FMN1: variants seen among roughly 807,000 people sequenced by gnomAD.
FMN1 encodes formin 1, also known as formin-1.
A neutral mutation model predicts 132.4 loss-of-function variants in FMN1; 110 were observed. The ratio of observed to expected loss-of-function variants is 0.83; its 90% CI spans 0.71 to 0.97. The LOEUF (loss-of-function observed/expected upper bound fraction) is 0.97, where lower values mean the gene tolerates loss of function less well. Ranked by LOEUF, FMN1 falls within the 50% of genes least tolerant of loss-of-function variation. The probability of loss-of-function intolerance (pLI) is 0.00; values close to 1 mark genes in which losing one functional copy is unlikely to be tolerated. For synonymous variants in FMN1, 722 were observed against 651.7 expected, an observed-to-expected ratio of 1.11 and a Z score of -1.64; for missense variants, 1,792 against 1,705.3, an observed-to-expected ratio of 1.05 and a Z score of -0.90.
chr15:32,776,088 A>G (rs1029590788), intron 20 of FMN1, among the ~76,000 whole-genome samples: 3 of 152,238 alleles, frequency 2.0e-5, no homozygotes, highest in Non-Finnish European at 4.4e-5. Context: ...CCAAAAAAAA[A>G]GTAGTATGTT....
At chr15:33,148,732 G>A (rs1237881575) in intron 4 of FMN1, among the ~76,000 whole-genome samples, 1 of 152,168 alleles carries the variant, frequency 6.6e-6, no homozygotes, top group African/African-American at 2.4e-5. Flanking sequence ...TCAGGACTGT[G>A]AGTAATCCAG....
chr15:33,194,325 A>T (rs1278756161), intron 1 of FMN1, among the ~76,000 whole-genome samples: 1 of 129,266 alleles, frequency 7.7e-6, no homozygotes, highest in East Asian at 2.8e-4. Context: ...GGGACCTGAG[A>T]GTCAACGACA....
intron 19 of FMN1, among the ~76,000 whole-genome samples, 164 bp downstream of exon 19, chr15:32,798,640 C>T (rs563314877): frequency 6.6e-6 from 1 of 152,258 alleles, no homozygotes; most frequent in South Asian, 2.1e-4. Flanking sequence ...AGCAAGCTTT[C>T]CCCGAATTTC....
In FMN1 at chr15:33,139,740, T is replaced by A. The variant is rs143561701; in HGVS notation, c.1867+13308A>T. 4.9e-3 allele frequency among the ~76,000 whole-genome samples: 745 copies of A among 152,294 alleles called. 5 individuals carry two copies. Among genetic ancestry groups the A allele is most frequent in the African/African-American group, 0.017 (705 of 41,558 alleles). The stretch of plus-strand genomic sequence containing the variant: ...GAGCATCAAAATTCAAGTCAGAAGA[T>A]CCGGCATATTCCACCAATAGACAGT... On this transcript the variant is annotated intron_variant, in intron 4 of 20. Transcript: ENST00000616417.
chr15:32,978,916 G>C (rs1406994905), intron 7 of FMN1, among the ~76,000 whole-genome samples: 1 of 152,158 alleles, frequency 6.6e-6, no homozygotes, highest in Admixed American at 6.5e-5. Context: ...ATGATATTAG[G>C]TCAATTATAT....
At chr15:33,131,328 C>CA (rs10710700) in intron 4 of FMN1, among the ~76,000 whole-genome samples, 1,061 of 79,912 alleles carry the variant, frequency 0.013, 23 homozygotes, top group Middle Eastern at 0.03. Flanking sequence ...GACTCCATCT[C>CA]AAAAAAAAAA....
chr15:33,154,779 C>A lies in FMN1; in HGVS notation c.136G>T (p.Gly46Cys). ...GTVTLDRSNK[G>C]FHNCYQVREE... is the part of the protein sequence containing the mutation. ...CTGACTTGGTAGCAGTTATGAAAACCTTTATTGGATCTGTCTAGAGTTACA... is the reference window on the plus strand; with the variant it reads ...CTGACTTGGTAGCAGTTATGAAAACATTTATTGGATCTGTCTAGAGTTACA... The change falls in exon 4 of 21, where the codon GGT becomes TGT. Residue 46 changes from glycine (G) to cysteine (C), a missense_variant. This residue lies in a region of FMN1 where 638 missense variants were observed against 645.2 expected (regional missense o/e 0.99). Coordinates refer to ENST00000616417, the MANE Select transcript of FMN1 (RefSeq NM_001277313.2). The A allele has an allele frequency of 6.5e-7, 1 of 1,536,092 alleles. No individual in the cohort carries two copies. Among genetic ancestry groups the A allele is most frequent in the Non-Finnish European group, 8.7e-7 (1 of 1,146,908 alleles).
chr15:32,973,583 C>CCCA (rs1208780495), intron 7 of FMN1, among the ~76,000 whole-genome samples: 1 of 151,680 alleles, frequency 6.6e-6, no homozygotes, highest in African/African-American at 2.4e-5. Flanking sequence ...CTCACCCCCC[C>CCCA]CAAAAAAACA....
intron 17 of FMN1, among the ~76,000 whole-genome samples, chr15:32,813,209 A>T (rs1425367978): frequency 4.6e-5 from 7 of 152,234 alleles, no homozygotes; most frequent in Non-Finnish European, 7.3e-5. Context: ...TTTAATATCC[A>T]TAAGGGTCCT....
chr15:33,076,410 A>T (rs970450631), intron 5 of FMN1, among the ~76,000 whole-genome samples: 4 of 152,132 alleles, frequency 2.6e-5, no homozygotes, highest in African/African-American at 9.7e-5. Flanking sequence ...CTTTTCCTTA[A>T]TTTTTTTAAA....
intron 6 of FMN1, among the ~76,000 whole-genome samples, chr15:33,015,870 C>T (rs760737225): frequency 6.6e-6 from 1 of 152,194 alleles, no homozygotes; most frequent in Admixed American, 6.5e-5. Context: ...CAAACACACA[C>T]ATAAAACCCG....
chr15:33,029,126 A>T (rs751121764), intron 6 of FMN1, among the ~76,000 whole-genome samples: 2 of 152,210 alleles, frequency 1.3e-5, no homozygotes, highest in Non-Finnish European at 2.9e-5. Flanking sequence ...CTCAGAGGTC[A>T]CTTAGACTAA....
At chr15:32,789,091 A>T (rs1555454748) in intron 19 of FMN1, among the ~76,000 whole-genome samples, 1 of 152,228 alleles carries the variant, frequency 6.6e-6, no homozygotes, top group Non-Finnish European at 1.5e-5. Context: ...AAACACAATG[A>T]TTATTTATTT....
intron 5 of FMN1, among the ~76,000 whole-genome samples, chr15:33,068,754 C>T (rs938455281): frequency 6.6e-6 from 1 of 152,136 alleles, no homozygotes; most frequent in Non-Finnish European, 1.5e-5. Context: ...TAGCTCTGCC[C>T]TAGCTGTCTC....
chr15:33,123,946 A>G (rs1036871130), intron 4 of FMN1, among the ~76,000 whole-genome samples: 7 of 152,240 alleles, frequency 4.6e-5, no homozygotes, highest in African/African-American at 1.4e-4. Flanking sequence ...ATCAAAGATA[A>G]TCATTACAAC....
chr15:32,917,208 G>C (rs1033368611), intron 10 of FMN1, among the ~76,000 whole-genome samples: 16 of 152,186 alleles, frequency 1.1e-4, no homozygotes, highest in Admixed American at 3.3e-4. Context: ...GCAAGGCCAG[G>C]GGACCGTACA....
intron 5 of FMN1, among the ~76,000 whole-genome samples, chr15:33,084,676 CAG>C (rs2038620563): frequency 6.6e-6 from 1 of 152,110 alleles, no homozygotes; most frequent in Admixed American, 6.5e-5. Flanking sequence ...TAGATGCCCC[CAG>C]AGTCTTCCTA....
intron 6 of FMN1, among the ~76,000 whole-genome samples, chr15:33,057,184 G>A (rs1407092284): frequency 6.6e-6 from 1 of 152,142 alleles, no homozygotes; most frequent in Admixed American, 6.5e-5. Context: ...CTTAAGAAAA[G>A]CAGATAAAAC....
At chr15:33,086,105 G>A (rs934364754) in intron 5 of FMN1, among the ~76,000 whole-genome samples, 1 of 151,956 alleles carries the variant, frequency 6.6e-6, no homozygotes, top group African/African-American at 2.4e-5. Flanking sequence ...CAAAAAATTA[G>A]CTGGGCGTGG....
Sources: allele counts gnomAD v4.1 joint callset (sites outside exome capture counted in the v4.1 genomes callset), GRCh38; gene constraint gnomAD v4.1.1; regional missense constraint gnomAD v4.1.1; transcripts MANE v1.5; gene names NCBI Gene and HGNC (gene_info 2026-07-23, HGNC 2026-07-21).